The following FAM76A variants were observed in gnomAD, a reference collection of about 807,000 sequenced individuals.
FAM76A encodes family with sequence similarity 76 member A, also known as protein FAM76A.
FAM76A carries 32 observed loss-of-function variants against 46.2 expected under a neutral mutation model. The observed-to-expected ratio is 0.69, with a 90% CI of 0.52 to 0.93. The LOEUF is 0.93. FAM76A is among the 40% of genes least tolerant of loss of function. The pLI is 0.00. For synonymous variants in FAM76A, 137 were observed against 127.0 expected, an observed-to-expected ratio of 1.08 and a Z score of -0.53; for missense variants, 274 against 361.5, an observed-to-expected ratio of 0.76 and a Z score of 1.96.
At chr1:27,757,477 C>G (rs1557788562) in intron 7 of FAM76A, among the ~76,000 whole-genome samples, 1 of 152,140 alleles carries the variant, frequency 6.6e-6, no homozygotes, top group Non-Finnish European at 1.5e-5. Context: ...AAGTGATTCT[C>G]CTGCCTCAGC....
intron 4 of FAM76A, among the ~76,000 whole-genome samples, chr1:27,737,071 T>C (rs920412897): frequency 2.0e-5 from 3 of 152,168 alleles, no homozygotes; most frequent in African/African-American, 2.4e-5. Flanking sequence ...TGCCTCAGCC[T>C]CCCGAGTAGC....
At chr1:27,754,386 G>A (rs1415524295) in intron 6 of FAM76A, among the ~76,000 whole-genome samples, 4 of 152,252 alleles carry the variant, frequency 2.6e-5, no homozygotes, top group African/African-American at 4.8e-5. Flanking sequence ...GATTATAGGC[G>A]TGAGCCACCG....
At chr1:27,756,984 G>A (rs1174843472) in intron 7 of FAM76A, among the ~76,000 whole-genome samples, 1 of 151,726 alleles carries the variant, frequency 6.6e-6, no homozygotes, top group Non-Finnish European at 1.5e-5. Flanking sequence ...ACCTTAGCCT[G>A]GGAGGTCAAG....
chr1:27,755,391 G>A, intron 7 of FAM76A, 61 bp downstream of exon 7: 2 of 1,591,082 alleles, frequency 1.3e-6, no homozygotes, highest in South Asian at 2.2e-5. Context: ...TGTGGTATGG[G>A]ACATGATAAT....
intron 4 of FAM76A, among the ~76,000 whole-genome samples, chr1:27,735,411 A>C (rs2148569345): frequency 6.6e-6 from 1 of 152,344 alleles, no homozygotes; most frequent in East Asian, 1.9e-4. Context: ...GGCCTGGCAC[A>C]TAGTAGCTGC....
chr1:27,757,307 C>T (rs2088427041), intron 7 of FAM76A, among the ~76,000 whole-genome samples: 1 of 148,252 alleles, frequency 6.7e-6, no homozygotes, highest in East Asian at 2.0e-4. Flanking sequence ...ATTCTTGTGC[C>T]TCAGCCTCCT....
chr1:27,726,903 A>G (rs534471483), intron 1 of FAM76A, among the ~76,000 whole-genome samples: 200 of 152,268 alleles, frequency 1.3e-3, no homozygotes, highest in Admixed American at 1.6e-3. Flanking sequence ...AAAGTCACCA[A>G]ACTGGCTGAA....
chr1:27,735,022 C>A (rs1010892298), intron 4 of FAM76A, among the ~76,000 whole-genome samples: 3 of 152,328 alleles, frequency 2.0e-5, no homozygotes, highest in Admixed American at 6.5e-5. Context: ...CCTTCTATGG[C>A]CTGCAAGGCC....
rs140649564 is a variant in FAM76A, at chr1:27,745,635, G to A, written c.512+824G>A. On this transcript the variant is annotated intron_variant, in intron 5 of 8. Transcript: ENST00000373954. ...ACAGATGATCTTAGTATAATGTAAC[G>A]GGTACCACAGTGGAAACGTGTCAAG... 8.8e-4 allele frequency among the ~76,000 whole-genome samples: 134 copies of A among 152,240 alleles called. 1 individual carries two copies. Among genetic ancestry groups the A allele is most frequent in the African/African-American group, 3.0e-3 (123 of 41,556 alleles).
At chr1:27,750,360 T>G (rs1257954458) in intron 6 of FAM76A, among the ~76,000 whole-genome samples, 1 of 152,190 alleles carries the variant, frequency 6.6e-6, no homozygotes, top group Non-Finnish European at 1.5e-5. Flanking sequence ...GGTAGTCAGA[T>G]TACATGGGGG....
At position 27,737,283 on chromosome 1, in the gene FAM76A, C is replaced by T. The variant is rs141465600; in HGVS notation, c.354+3100C>T. 3.9e-5 allele frequency among the ~76,000 whole-genome samples: 6 copies of T among 152,160 alleles called. No homozygotes were observed. The East Asian group carries it at 1.2e-3, about 29-fold the overall frequency. On this transcript the variant is annotated intron_variant, in intron 4 of 8. Transcript: ENST00000373954. ...ATTTCTAAAGTTTATTTTTAAGAGA[C>T]AGATCTGAAAAAAATGTCTTGTGGA...
chr1:27,745,960 G>A (rs896857447), intron 5 of FAM76A, among the ~76,000 whole-genome samples: 7 of 152,220 alleles, frequency 4.6e-5, no homozygotes, highest in South Asian at 2.1e-4. Context: ...CCTGAGGTCA[G>A]GGTGTTAGTG....
Position 27,760,780 on chromosome 1 carries a change from G to A in FAM76A, c.*199G>A, listed in dbSNP as rs945873640. On this transcript the variant is annotated 3_prime_UTR_variant, in exon 9 of 9. Transcript: ENST00000373954. ...GTTAGACTGCATGCTTGAGTGTTTG[G>A]GATTTCAAGCTCGCTCTCTTTCTCT... 3.4e-6 allele frequency: 1 copy of A among 293,344 alleles called. No homozygotes were observed. Among genetic ancestry groups the A allele is most frequent in the East Asian group, 6.1e-5 (1 of 16,284 alleles). 18.2% of individuals were successfully genotyped at this position (293,344 alleles called of 1,614,324 possible).
chr1:27,744,692 A>G lies in FAM76A; in HGVS notation c.393A>G (p.Ser131=), dbSNP rs761679066. The change falls in exon 5 of 9, where the codon TCA becomes TCG. Residue 131 remains serine, a synonymous_variant. Coordinates refer to ENST00000373954, the MANE Select transcript of FAM76A (RefSeq NM_152660.3). ...TGCTGTGCTGGCTGTGCACACTTTC[A>G]TACAAACGGGTCCTTCAGAAGACCA... ...GKLLCWLCTL[S]YKRVLQKTKE... is the part of the protein sequence containing the mutation. 6.2e-7 allele frequency: 1 copy of G among 1,614,138 alleles called. No individual in the cohort carries two copies. Among genetic ancestry groups the G allele is most frequent in the Non-Finnish European group, 8.5e-7 (1 of 1,180,028 alleles).
chr1:27,740,854 T>G (rs2088139140), intron 4 of FAM76A, among the ~76,000 whole-genome samples: 1 of 151,890 alleles, frequency 6.6e-6, no homozygotes, highest in Non-Finnish European at 1.5e-5. Context: ...GGGGCCCGGG[T>G]GTGGTGGCTC....
chr1:27,760,278 A>G (rs1051642224), intron 8 of FAM76A: 10 of 427,126 alleles, frequency 2.3e-5, no homozygotes, highest in African/African-American at 1.6e-4. Flanking sequence ...GTGGGTCCCA[A>G]GAGATTGAGG....
rs2088526131 is a variant in FAM76A, at chr1:27,762,603, GA to G, written c.*2023del. ...TCGCTTATATATCACCCTACTAGGG[GA>G]TATAATTTTCCCTTCTAAGCAAGGG... On this transcript the variant is annotated 3_prime_UTR_variant, in exon 9 of 9. Coordinates refer to ENST00000373954, the MANE Select transcript of FAM76A (RefSeq NM_152660.3). 2.0e-5 allele frequency: 3 copies of G among 152,082 alleles called. No homozygotes were observed. Among genetic ancestry groups the G allele is most frequent in the Admixed American group, 1.3e-4 (2 of 15,262 alleles). 9.4% of individuals were successfully genotyped at this position (152,082 alleles called of 1,614,324 possible). A position where few individuals can be genotyped will look rare whatever the true frequency, so the allele number is the denominator to read the frequency against.
chr1:27,726,821 C>T (rs1422828222), intron 1 of FAM76A, among the ~76,000 whole-genome samples: 1 of 152,116 alleles, frequency 6.6e-6, no homozygotes, highest in Non-Finnish European at 1.5e-5. Context: ...TCCAACTTCT[C>T]TTTTTCTTTT....
intron 2 of FAM76A, chr1:27,730,278 C>T: frequency 5.8e-6 from 1 of 172,478 alleles, no homozygotes; most frequent in Non-Finnish European, 1.3e-5. Context: ...CCTCCACCTC[C>T]CAGGTTCAAG....
Sources: allele counts gnomAD v4.1 joint callset (sites outside exome capture counted in the v4.1 genomes callset), GRCh38; gene constraint gnomAD v4.1.1; transcripts MANE v1.5; gene names NCBI Gene and HGNC (gene_info 2026-07-23, HGNC 2026-07-21).